CCT6A: variants seen among roughly 807,000 people sequenced by gnomAD.
CCT6A encodes the protein chaperonin containing TCP1 subunit 6A, also known as T-complex protein 1 subunit zeta.
A neutral mutation model predicts 58.6 loss-of-function variants in CCT6A; 6 were observed. That is an observed-to-expected ratio of 0.10 (90% CI 0.06 to 0.20). CCT6A has a LOEUF of 0.20. Among genes scored for constraint, CCT6A ranks in the 10% least tolerant of loss-of-function variants. The pLI, the probability that CCT6A is intolerant of heterozygous loss-of-function variation, is 1.00. For synonymous variants in CCT6A, 245 were observed against 227.8 expected, an observed-to-expected ratio of 1.08 and a Z score of -0.68; for missense variants, 516 against 648.8, an observed-to-expected ratio of 0.80 and a Z score of 2.22.
chr7:56,056,442 A>T, intron 5 of CCT6A, 28 bp downstream of exon 5: 1 of 1,094,768 alleles, frequency 9.1e-7, no homozygotes, highest in Non-Finnish European at 1.4e-6. Context: ...GTGAAATACT[A>T]ATGGGCATGG....
chr7:56,057,883 A>G, intron 5 of CCT6A, 110 bp from the exon 6 acceptor site: 1 of 685,574 alleles, frequency 1.5e-6, no homozygotes, highest in Non-Finnish European at 2.6e-6. Flanking sequence ...TTCATCTCAA[A>G]AAAGAAAAAT....
chr7:56,058,233 C>A, intron 6 of CCT6A, 129 bp from the exon 7 acceptor site: 1 of 864,266 alleles, frequency 1.2e-6, no homozygotes, highest in Non-Finnish European at 1.8e-6. Flanking sequence ...CTATAGGAAA[C>A]AGTCTCTGAA....
chr7:56,056,538 C>T (rs1294997091), intron 5 of CCT6A, 124 bp downstream of exon 5: 14 of 627,214 alleles, frequency 2.2e-5, no homozygotes, highest in Non-Finnish European at 4.1e-5. Flanking sequence ...GCCTGGCCAA[C>T]ATGGGGAAAC....
In CCT6A at chr7:56,051,766, G is replaced by C. The variant is rs1470737967; in HGVS notation, c.-83G>C. On this transcript the variant is annotated 5_prime_UTR_variant, in exon 1 of 14. Coordinates refer to ENST00000275603, the MANE Select transcript of CCT6A (RefSeq NM_001762.4). ...CCGGCCAGACGGGCCGACTTTTCCA[G>C]AAGACCCGGATAGTTCCTCCCGGCC... The C allele has an allele frequency of 2.7e-6, 4 of 1,503,958 alleles. No individual in the cohort carries two copies. Among genetic ancestry groups the C allele is most frequent in the African/African-American group, 2.9e-5 (2 of 69,320 alleles). 93.2% of individuals were successfully genotyped at this position (1,503,958 alleles called of 1,614,324 possible). A position where few individuals can be genotyped will look rare whatever the true frequency, so the allele number is the denominator to read the frequency against.
rs763343329 is a variant in CCT6A at position 56,055,806 on chromosome 7, TA to T, written c.510+12del. On this transcript the variant is annotated intron_variant, in intron 4 of 13. Transcript: ENST00000275603. ...CAGATGTCTTAACAGAGGTATGTAT[TA>T]AATTTTGTCTATGTCTGGTATAGTA... The T allele has an allele frequency of 1.4e-5, 23 of 1,607,198 alleles. No homozygotes were observed. The highest frequency in any genetic ancestry group is 1.9e-5 in the Non-Finnish European group (22 of 1,174,636).
chr7:56,052,621 T>A, intron 2 of CCT6A, 136 bp downstream of exon 2: 1 of 731,920 alleles, frequency 1.4e-6, no homozygotes, highest in Non-Finnish European at 2.4e-6. Context: ...TAGTCCTGAG[T>A]GCCTGGAGTC....
chr7:56,062,698 C>G lies in CCT6A; in HGVS notation c.1466C>G (p.Ala489Gly), dbSNP rs771692512. 1.9e-6 allele frequency: 3 copies of G among 1,613,840 alleles called. No homozygotes were observed. Among genetic ancestry groups the G allele is most frequent in the Non-Finnish European group, 2.5e-6 (3 of 1,179,880 alleles). The change falls in exon 13 of 14, where the codon GCA (alanine) becomes GGA (glycine). Residue 489 changes from alanine (A) to glycine (G), a missense_variant. Ala to Gly is a moderately conservative substitution (Grantham distance 60). Coordinates refer to ENST00000275603, the MANE Select transcript of CCT6A (RefSeq NM_001762.4). ...VDLNTGEPMV[A>G]AEVGVWDNYC... is the part of the protein sequence containing the mutation. ...TGCCTTTTAGGTGAGCCAATGGTGG[C>G]AGCAGAAGTAGGCGTATGGGATAAC...
Position 56,060,386 on chromosome 7 carries a change from T to G in CCT6A, c.1183T>G (p.Leu395Val), listed in dbSNP as rs1242945546. ...GATCAAAGATGCAGTGAGGGACGGC[T>G]TGAGGGCTGTCAAAAATGCTATTGA... ...TQIKDAVRDGLRAVKNAIDDG... is the reference protein window; with the variant it reads ...TQIKDAVRDGVRAVKNAIDDG... Residue 395 changes from leucine (L) to valine (V), a missense_variant, in exon 10 of 14, where the codon TTG (leucine) becomes GTG (valine). Coordinates refer to ENST00000275603, the MANE Select transcript of CCT6A (RefSeq NM_001762.4). 6.2e-7 allele frequency: 1 copy of G among 1,614,136 alleles called. No homozygotes were observed. Among genetic ancestry groups the G allele is most frequent in the Admixed American group, 1.7e-5 (1 of 60,014 alleles).
intron 8 of CCT6A, 128 bp downstream of exon 8, chr7:56,058,830 C>A: frequency 1.7e-6 from 1 of 578,132 alleles, no homozygotes; most frequent in Non-Finnish European, 3.1e-6. Flanking sequence ...CATTGTGCAC[C>A]CCGTCAGCAC....
chr7:56,059,393 C>G (rs1298113502), intron 8 of CCT6A, 151 bp from the exon 9 acceptor site: 2 of 596,440 alleles, frequency 3.4e-6, no homozygotes, highest in Non-Finnish European at 6.0e-6. Context: ...TAGTTTTTAG[C>G]TGGTTGATGG....
At chr7:56,058,562 T>C (rs1467412128) in intron 7 of CCT6A, 41 bp downstream of exon 7, 1 of 1,572,814 alleles carries the variant, frequency 6.4e-7, no homozygotes, top group Admixed American at 1.8e-5. Flanking sequence ...ATAGTACGTA[T>C]CATCCTTTTT....
intron 11 of CCT6A, among the ~76,000 whole-genome samples, chr7:56,061,315 G>T (rs189364367): frequency 6.6e-6 from 1 of 151,168 alleles, no homozygotes; most frequent in East Asian, 1.9e-4. Context: ...GAGTTGATCA[G>T]TAACTTGTGT....
chr7:56,051,947 G>T lies in CCT6A; in HGVS notation c.99G>T (p.Val33=). 1 of 1,546,066 alleles carries T rather than the reference G, an allele frequency of 6.5e-7. No homozygotes were observed. Among genetic ancestry groups the T allele is most frequent in the Non-Finnish European group, 8.7e-7 (1 of 1,144,940 alleles). The stretch of plus-strand genomic sequence containing the variant: ...GCGCAGCGCGGGGTCTGCAGGACGT[G>T]CTAAGGACCAACCTGGGGCCCAAGG... ...NISAARGLQD[V]LRTNLGPKGT... is the part of the protein sequence containing the mutation. The change falls in exon 1 of 14, where the codon GTG becomes GTT. Residue 33 remains valine (V), a synonymous_variant. Coordinates refer to ENST00000275603, the MANE Select transcript of CCT6A (RefSeq NM_001762.4).
At chr7:56,058,182 C>A in intron 6 of CCT6A, 79 bp downstream of exon 6, 1 of 990,782 alleles carries the variant, frequency 1.0e-6, no homozygotes, top group South Asian at 1.4e-5. Flanking sequence ...AACTTTGTTT[C>A]CCACTGTAAG....
intron 3 of CCT6A, among the ~76,000 whole-genome samples, chr7:56,054,795 T>C (rs753432552): frequency 3.2e-4 from 48 of 152,208 alleles, no homozygotes; most frequent in Non-Finnish European, 1.5e-4. Context: ...ACTAGGCATA[T>C]TTGTTAGGAA....
intron 6 of CCT6A, 54 bp downstream of exon 6, chr7:56,058,157 G>C: frequency 8.8e-7 from 1 of 1,132,820 alleles, no homozygotes; most frequent in South Asian, 1.3e-5. Flanking sequence ...TTTTAGGCGA[G>C]TTACTTTTTT....
Position 56,062,875 on chromosome 7 carries a change from G to A in CCT6A, c.1523+120G>A, listed in dbSNP as rs1794498941. 8 of 1,135,290 alleles carry A rather than the reference G, an allele frequency of 7.0e-6. No individual in the cohort carries two copies. In the Admixed American group the frequency reaches 1.4e-4, roughly 19 times the overall value. 70.3% of individuals were successfully genotyped at this position (1,135,290 alleles called of 1,614,324 possible). ...GTGATCAGCTGGAAGTATGGAAACT[G>A]AACTAGCCCTCTGATGTGTAGAGGG... On this transcript the variant is annotated intron_variant, in intron 13 of 13. Transcript: ENST00000275603.
rs1165653724 is a variant in CCT6A, at chr7:56,051,953, G to A, written c.105G>A (p.Arg35=). ...SAARGLQDVL[R]TNLGPKGTMK... is the part of the protein sequence containing the mutation. ...CGCGGGGTCTGCAGGACGTGCTAAG[G>A]ACCAACCTGGGGCCCAAGGGCACCA... Residue 35 remains arginine (R), a synonymous_variant, in exon 1 of 14, where the codon AGG becomes AGA. Transcript: ENST00000275603. The A allele has an allele frequency of 6.5e-7, 1 of 1,539,522 alleles. No homozygotes were observed.
At chr7:56,062,844 A>T in intron 13 of CCT6A, 89 bp downstream of exon 13, 1 of 1,232,716 alleles carries the variant, frequency 8.1e-7, no homozygotes, top group Non-Finnish European at 1.2e-6. Context: ...TTCCCCCATG[A>T]ATAATGTGAT....
Sources: gnomAD v4.1 joint callset for allele counts (sites outside exome capture counted in the v4.1 genomes callset) on GRCh38, gnomAD v4.1.1 for gene constraint, MANE v1.5 for transcripts, NCBI Gene and HGNC (gene_info 2026-07-23, HGNC 2026-07-21) for gene names.